The following CCDC88A variants were observed in gnomAD, a reference collection of about 807,000 sequenced individuals.
CCDC88A encodes girdin.
CCDC88A carries 54 observed loss-of-function variants against 234.3 expected under a neutral mutation model. The observed-to-expected ratio is 0.23, with a 90% CI of 0.19 to 0.29. The LOEUF (loss-of-function observed/expected upper bound fraction) is 0.29, where lower values mean the gene tolerates loss of function less well. CCDC88A is among the 10% of genes least tolerant of loss of function. The pLI is 1.00. For missense variants in CCDC88A, 1,832 were observed against 2,123.4 expected, an observed-to-expected ratio of 0.86 and a Z score of 2.70; for synonymous variants, 753 against 737.8, an observed-to-expected ratio of 1.02 and a Z score of -0.33.
chr2:55,327,516 A>C (rs1270919249), intron 17 of CCDC88A, among the ~76,000 whole-genome samples: 1 of 152,228 alleles, frequency 6.6e-6, no homozygotes. Flanking sequence ...TTCTCAGACA[A>C]CTACGTGAAG....
At chr2:55,300,827 A>G (rs1680812609) in intron 28 of CCDC88A, 1 of 164,836 alleles carries the variant, frequency 6.1e-6, no homozygotes, top group Non-Finnish European at 1.3e-5. Context: ...TTGGTTTCTT[A>G]AAGTTCATCC....
At chr2:55,376,170 C>G (rs1429930411) in intron 3 of CCDC88A, among the ~76,000 whole-genome samples, 1 of 152,120 alleles carries the variant, frequency 6.6e-6, no homozygotes, top group Non-Finnish European at 1.5e-5. Flanking sequence ...GCCATTACAA[C>G]CACTGACACT....
chr2:55,341,796 G>A (rs897307427), intron 12 of CCDC88A, among the ~76,000 whole-genome samples: 1 of 151,978 alleles, frequency 6.6e-6, no homozygotes, highest in African/African-American at 2.4e-5. Context: ...TATAAACCAC[G>A]TTTTCTTTAT....
chr2:55,347,351 C>A, intron 9 of CCDC88A, among the ~76,000 whole-genome samples: 1 of 152,054 alleles, frequency 6.6e-6, no homozygotes, highest in Non-Finnish European at 1.5e-5. Flanking sequence ...TTCATAATAA[C>A]CTAAGACATT....
Position 55,301,277 on chromosome 2 carries a change from T to G in CCDC88A, c.4673A>C (p.Asp1558Ala). Reference protein sequence around the residue: ...FRSKQLVNNKDTTSFEDISPQ... With the variant: ...FRSKQLVNNKATTSFEDISPQ... ...ACTTATGTCTTCAAAGGATGTAGTA[T>G]CTACATAAAATAGCAAAATGGATAT... Residue 1558 changes from aspartate (D) to alanine (A), a missense_variant and splice_region_variant, in exon 28 of 33, where the codon GAT becomes GCT. Physicochemically the swap from Asp to Ala is moderately radical, Grantham distance 126. Coordinates refer to ENST00000436346, the MANE Select transcript of CCDC88A (RefSeq NM_001365480.1). 2 of 1,541,104 alleles carry G rather than the reference T, an allele frequency of 1.3e-6. No homozygotes were observed. The highest frequency in any genetic ancestry group is 1.8e-6 in the Non-Finnish European group (2 of 1,129,440).
Position 55,303,079 on chromosome 2 carries a change from A to G in CCDC88A, c.4461T>C (p.Arg1487=). 1.9e-6 allele frequency: 3 copies of G among 1,549,786 alleles called. No individual in the cohort carries two copies. Among genetic ancestry groups the G allele is most frequent in the Non-Finnish European group, 2.6e-6 (3 of 1,145,016 alleles). ...GTCATAAAGTCTTACACATGGAACGACGGTAGCAGGCCTTCATTTTGTCTT... is the reference window on the plus strand; with the variant it reads ...GTCATAAAGTCTTACACATGGAACGGCGGTAGCAGGCCTTCATTTTGTCTT... ...KDKDKMKACY[R]RSMSMNDLVQ... is the part of the protein sequence containing the mutation. The change falls in exon 26 of 33, where the codon CGT becomes CGC. Residue 1487 remains arginine (R), a synonymous_variant. Coordinates refer to ENST00000436346, the MANE Select transcript of CCDC88A (RefSeq NM_001365480.1).
rs1553436256 is a variant in CCDC88A, at chr2:55,401,447, A to ATAT, written c.165-12562_165-12561insATA. Among the ~76,000 whole-genome samples, 38 of 27,154 alleles carry ATAT rather than the reference A, an allele frequency of 1.4e-3. 7 individuals carry two copies. The highest frequency in any genetic ancestry group is 3.2e-3 in the African/African-American group (35 of 11,082). 17.8% of individuals were successfully genotyped at this position (27,154 alleles called of 152,430 possible). ...AGACTCTGTCTCCAAAAAAAAAAAA[A>ATAT]ATATATATATATATATATACATATG... On this transcript the variant is annotated intron_variant, in intron 2 of 32. Coordinates refer to ENST00000436346, the MANE Select transcript of CCDC88A (RefSeq NM_001365480.1).
intron 2 of CCDC88A, among the ~76,000 whole-genome samples, chr2:55,407,206 C>A (rs545938534): frequency 2.8e-4 from 42 of 149,526 alleles, no homozygotes; most frequent in Non-Finnish European, 4.6e-4. Context: ...AGGGCAAGAC[C>A]CTGTCTCAAG....
At chr2:55,380,008 G>C (rs7564072) in intron 3 of CCDC88A, among the ~76,000 whole-genome samples, 7,081 of 147,286 alleles carry the variant, frequency 0.048, 293 homozygotes, top group African/African-American at 0.12. Flanking sequence ...TGGATCACTT[G>C]AGGCCAGGAG....
chr2:55,379,710 C>A (rs1373937300), intron 3 of CCDC88A, among the ~76,000 whole-genome samples: 4 of 151,258 alleles, frequency 2.6e-5, no homozygotes, highest in African/African-American at 9.7e-5. Flanking sequence ...GGTGGATCAC[C>A]TGAGACCAGC....
intron 7 of CCDC88A, 110 bp downstream of exon 7, chr2:55,362,198 C>T (rs1671413700): frequency 3.7e-6 from 3 of 810,066 alleles, no homozygotes; most frequent in Non-Finnish European, 5.6e-6. Context: ...AAAGACACTC[C>T]TGTATCACCT....
At chr2:55,354,807 TCCGCCCGCCTCAGCCTC>T (rs1360650512) in intron 8 of CCDC88A, among the ~76,000 whole-genome samples, 2 of 151,938 alleles carry the variant, frequency 1.3e-5, no homozygotes, top group African/African-American at 2.4e-5. Context: ...CCTCAGGCAA[TCCGCCCGCCTCAGCCTC>T]CCAAAGTGCT....
intron 29 of CCDC88A, among the ~76,000 whole-genome samples, chr2:55,298,332 G>A (rs1163787418): frequency 1.9e-5 from 2 of 104,782 alleles, no homozygotes; most frequent in Non-Finnish European, 4.3e-5. Flanking sequence ...TCTACTGGAT[G>A]TAAAAACATT....
chr2:55,317,857 T>C lies in CCDC88A; in HGVS notation c.3325-16A>G, dbSNP rs768904361. 6 of 1,528,072 alleles carry C rather than the reference T, an allele frequency of 3.9e-6. No individual in the cohort carries two copies. The highest frequency in any genetic ancestry group is 4.5e-5 in the East Asian group (2 of 43,982). 94.7% of individuals were successfully genotyped at this position (1,528,072 alleles called of 1,614,324 possible). ...AATTTTCAACCTATAAGAATATATA[T>C]TGTTATCAGACATAAGAAAAACAGT... On this transcript the variant is annotated splice_polypyrimidine_tract_variant and intron_variant, in intron 19 of 32. Coordinates refer to ENST00000436346, the MANE Select transcript of CCDC88A (RefSeq NM_001365480.1). The surrounding 1 kb of genome is among the most constrained non-coding windows in gnomAD (Gnocchi z 4.2).
chr2:55,341,231 T>C (rs1013765419), intron 12 of CCDC88A, among the ~76,000 whole-genome samples: 3 of 147,822 alleles, frequency 2.0e-5, no homozygotes, highest in South Asian at 2.2e-4. Context: ...CTGCAACCTC[T>C]GCCTCTCGGG....
intron 29 of CCDC88A, among the ~76,000 whole-genome samples, chr2:55,297,421 T>C (rs1244205685): frequency 8.0e-6 from 1 of 124,412 alleles, no homozygotes; most frequent in Non-Finnish European, 1.6e-5. Flanking sequence ...TGTGTATTTT[T>C]TTTTTTTGAG....
At chr2:55,301,687 T>C (rs1261583312) in intron 27 of CCDC88A, 185 bp downstream of exon 27, 1 of 601,326 alleles carries the variant, frequency 1.7e-6, no homozygotes, top group African/African-American at 1.9e-5. Flanking sequence ...CTGGAAAAGA[T>C]TTTAGTTATT....
intron 3 of CCDC88A, 148 bp from the exon 4 acceptor site, chr2:55,375,031 T>C (rs1165650903): frequency 1.9e-6 from 1 of 515,776 alleles, no homozygotes; most frequent in African/African-American, 1.9e-5. Context: ...AGGTCTTAAA[T>C]CTTTTGTAAC....
intron 2 of CCDC88A, among the ~76,000 whole-genome samples, chr2:55,415,353 G>A (rs1681188210): frequency 6.6e-6 from 1 of 152,044 alleles, no homozygotes; most frequent in Admixed American, 6.6e-5. Context: ...GGTGGCCAGA[G>A]ACCAAATTTG....
Sources: gnomAD v4.1 joint callset for allele counts (sites outside exome capture counted in the v4.1 genomes callset) on GRCh38, gnomAD v4.1.1 for gene constraint, Gnocchi (gnomAD v3.1) non-coding constraint, MANE v1.5 for transcripts, NCBI Gene and HGNC (gene_info 2026-07-23, HGNC 2026-07-21) for gene names.